DISC1: variants seen among roughly 807,000 people sequenced by gnomAD.
The protein encoded by DISC1 is DISC1 scaffold protein, also known as disrupted in schizophrenia 1 protein.
A neutral mutation model predicts 84.5 loss-of-function variants in DISC1; 57 were observed. The ratio of observed to expected loss-of-function variants is 0.67; its 90% CI spans 0.55 to 0.84. The LOEUF is 0.84. DISC1 is among the 40% of genes least tolerant of loss of function. The probability of loss-of-function intolerance (pLI) is 0.00; values close to 1 mark genes in which losing one functional copy is unlikely to be tolerated. For synonymous variants in DISC1, 411 were observed against 415.2 expected, an observed-to-expected ratio of 0.99 and a Z score of 0.12; for missense variants, 1,000 against 1,057.8, an observed-to-expected ratio of 0.95 and a Z score of 0.76.
Position 231,698,342 on chromosome 1 carries a change from C to T in DISC1, c.1047+3537C>T, listed in dbSNP as rs189210641. 3.9e-5 allele frequency among the ~76,000 whole-genome samples: 6 copies of T among 152,216 alleles called. No individual in the cohort carries two copies. The East Asian group carries it at 1.2e-3, about 29-fold the overall frequency. On this transcript the variant is annotated intron_variant, in intron 2 of 12. Coordinates refer to ENST00000439617, the MANE Select transcript of DISC1 (RefSeq NM_018662.3). This position sits in a 1 kb window ranked among gnomAD's most constrained non-coding sequence, Gnocchi z 4.9. ...ATGCTGTTTAGAAATCGCTGCTTAGCGAGATTTCCAGGGGTTGCATGGGAC... is the reference window on the plus strand; with the variant it reads ...ATGCTGTTTAGAAATCGCTGCTTAGTGAGATTTCCAGGGGTTGCATGGGAC...
At chr1:231,683,564 G>C (rs933987679) in intron 1 of DISC1, among the ~76,000 whole-genome samples, 1 of 149,308 alleles carries the variant, frequency 6.7e-6, no homozygotes, top group Non-Finnish European at 1.5e-5. Context: ...CATGTAATTT[G>C]CCTGTATTCT....
rs1451634734 is a variant in DISC1, at chr1:231,759,537, A to AC, written c.1269-7603_1269-7602insC. Among the ~76,000 whole-genome samples the AC allele has an allele frequency of 2.8e-3, 413 of 149,458 alleles. 1 individual carries two copies. Among genetic ancestry groups the AC allele is most frequent in the African/African-American group, 9.0e-3 (366 of 40,676 alleles). ...GACCCCCATCTCTACAAAAAAAAAA[A>AC]AAAAAAAAAAAAAACAAAACTAGCC... On this transcript the variant is annotated intron_variant, in intron 4 of 12. Transcript: ENST00000439617.
intron 9 of DISC1, among the ~76,000 whole-genome samples, chr1:231,921,126 G>C (rs1004951224): frequency 1.1e-4 from 16 of 151,876 alleles, no homozygotes; most frequent in Middle Eastern, 3.4e-3. Context: ...ATGTGGGCCA[G>C]GGTAGTCTCA....
chr1:231,771,157 A>G lies in DISC1; in HGVS notation c.1634+87A>G, dbSNP rs199907321. The G allele has an allele frequency of 1.1e-3, 1,553 of 1,469,266 alleles. 2 individuals are homozygous for G. Among genetic ancestry groups the G allele is most frequent in the Non-Finnish European group, 1.2e-3 (1,322 of 1,109,690 alleles). The allele number at this position is 1,469,266 out of a possible 1,614,324, so 91.0% of individuals were successfully genotyped here. A position where few individuals can be genotyped will look rare whatever the true frequency, so the allele number is the denominator to read the frequency against. Reference sequence around the variant, plus strand: ...ATTTTGTCTGCTGTCTTTCATTTCTAAACATTTCCCAAGCAGTCTGTATTT... The same window carrying G: ...ATTTTGTCTGCTGTCTTTCATTTCTGAACATTTCCCAAGCAGTCTGTATTT... On this transcript the variant is annotated intron_variant, in intron 6 of 12. Transcript: ENST00000439617.
At chr1:231,689,353 CAA>C (rs2064707196) in intron 1 of DISC1, among the ~76,000 whole-genome samples, 1 of 151,770 alleles carries the variant, frequency 6.6e-6, no homozygotes, top group Non-Finnish European at 1.5e-5. Flanking sequence ...TTTTTTGAGA[CAA>C]GAGTCTTGCT....
chr1:231,788,559 G>A (rs2078065764), intron 6 of DISC1, among the ~76,000 whole-genome samples: 1 of 152,142 alleles, frequency 6.6e-6, no homozygotes, highest in Admixed American at 6.5e-5. Flanking sequence ...ATGGAGGTCA[G>A]GACATCAACA....
intron 1 of DISC1, among the ~76,000 whole-genome samples, chr1:231,664,464 T>C (rs2061838276): frequency 1.3e-5 from 2 of 152,260 alleles, no homozygotes; most frequent in South Asian, 2.1e-4. Context: ...GCAGATGAGA[T>C]TAAGTTAAGG....
At chr1:231,678,924 C>T (rs543705719) in intron 1 of DISC1, among the ~76,000 whole-genome samples, 30 of 142,752 alleles carry the variant, frequency 2.1e-4, no homozygotes, top group African/African-American at 8.9e-4. Flanking sequence ...GATCCACCCG[C>T]CTCAGCCTCC....
At chr1:232,008,681 A>G (rs1667762358) in intron 10 of DISC1, 104 bp from the exon 11 acceptor site, 6 of 1,339,064 alleles carry the variant, frequency 4.5e-6, no homozygotes, top group Non-Finnish European at 6.1e-6. Flanking sequence ...GTCATCAAGT[A>G]TAAGATGACC....
intron 1 of DISC1, among the ~76,000 whole-genome samples, chr1:231,636,101 C>G (rs1384222493): frequency 6.6e-6 from 1 of 152,184 alleles, no homozygotes; most frequent in Non-Finnish European, 1.5e-5. Flanking sequence ...GGGTTTACTC[C>G]TAGGTATGAC....
At chr1:231,896,671 C>A (rs1010334264) in intron 9 of DISC1, among the ~76,000 whole-genome samples, 1 of 152,100 alleles carries the variant, frequency 6.6e-6, no homozygotes, top group Non-Finnish European at 1.5e-5. Context: ...TCTGTGGTGA[C>A]CCTTGCTTTA....
chr1:231,723,761 G>T, intron 3 of DISC1: 1 of 985,356 alleles, frequency 1.0e-6, no homozygotes, highest in East Asian at 1.1e-4. Context: ...TGGGACTGTT[G>T]GGGTGAGGAA....
In DISC1 at chr1:231,630,988, G is replaced by C. The variant is rs2058664720; in HGVS notation, c.67+4054G>C. 6.6e-6 allele frequency among the ~76,000 whole-genome samples: 1 copy of C among 152,186 alleles called. No homozygotes were observed. Among genetic ancestry groups the C allele is most frequent in the African/African-American group, 2.4e-5 (1 of 41,448 alleles). On this transcript the variant is annotated intron_variant, in intron 1 of 12. Coordinates refer to ENST00000439617, the MANE Select transcript of DISC1 (RefSeq NM_018662.3). This position sits in a 1 kb window ranked among gnomAD's most constrained non-coding sequence, Gnocchi z 4.4. Reference sequence around the variant, plus strand: ...TTATATGACTACTGGTCCTGTATCTGCTTCCTTTCCCTGCCCCATTTCCCC... The same window carrying C: ...TTATATGACTACTGGTCCTGTATCTCCTTCCTTTCCCTGCCCCATTTCCCC...
At chr1:231,642,247 C>G (rs930486915) in intron 1 of DISC1, among the ~76,000 whole-genome samples, 1 of 152,224 alleles carries the variant, frequency 6.6e-6, no homozygotes, top group East Asian at 1.9e-4. Flanking sequence ...CGCTGGCCCG[C>G]AAGCACCGCG....
chr1:231,926,473 A>G (rs762475185), intron 9 of DISC1, among the ~76,000 whole-genome samples: 2 of 152,200 alleles, frequency 1.3e-5, no homozygotes, highest in South Asian at 2.1e-4. Context: ...TTCATTGTGC[A>G]TTCTTTCACC....
intron 9 of DISC1, among the ~76,000 whole-genome samples, chr1:231,910,297 CTCTT>C (rs1183321526): frequency 1.3e-5 from 2 of 152,136 alleles, no homozygotes; most frequent in African/African-American, 4.8e-5. Context: ...TTCCTGCTTT[CTCTT>C]GTGGGCATGT....
intron 3 of DISC1, among the ~76,000 whole-genome samples, chr1:231,707,440 A>G (rs1056205196): frequency 1.3e-5 from 2 of 152,130 alleles, no homozygotes; most frequent in Admixed American, 6.5e-5. Context: ...TGCTTGCTAT[A>G]TCACCTTGTC....
intron 1 of DISC1, among the ~76,000 whole-genome samples, chr1:231,640,528 ATTTTT>A (rs58820518): frequency 2.3e-5 from 3 of 133,286 alleles, no homozygotes; most frequent in African/African-American, 5.6e-5. Context: ...CCTCCTTGGT[ATTTTT>A]TTTTTTTTTT....
At chr1:232,024,871 C>T (rs942994163) in intron 11 of DISC1, among the ~76,000 whole-genome samples, 2 of 152,016 alleles carry the variant, frequency 1.3e-5, no homozygotes, top group East Asian at 1.9e-4. Context: ...ATTACAGCTG[C>T]GAGCCACTGC....
Sources: allele counts gnomAD v4.1 joint callset (sites outside exome capture counted in the v4.1 genomes callset), GRCh38; gene constraint gnomAD v4.1.1; non-coding constraint Gnocchi (gnomAD v3.1); transcripts MANE v1.5; gene names NCBI Gene and HGNC (gene_info 2026-07-23, HGNC 2026-07-21).